RAP1B: variants seen among roughly 807,000 people sequenced by gnomAD.
The protein encoded by RAP1B is ras-related protein Rap-1b.
Under a neutral mutation model 27.5 loss-of-function variants are expected in RAP1B, and 1 was observed. The observed-to-expected ratio is 0.04, with a 90% CI of 0.01 to 0.17. The LOEUF (loss-of-function observed/expected upper bound fraction) is 0.17, where lower values mean the gene tolerates loss of function less well. Among genes scored for constraint, RAP1B ranks in the 10% least tolerant of loss-of-function variants. RAP1B has a pLI of 1.00. For synonymous variants in RAP1B, 75 were observed against 73.1 expected (o/e 1.03, Z -0.13); for missense variants, 84 against 214.8 (o/e 0.39, Z 3.81).
intron 1 of RAP1B, among the ~76,000 whole-genome samples, chr12:68,647,456 A>G (rs1873511418): frequency 7.3e-6 from 1 of 136,268 alleles, no homozygotes; most frequent in Non-Finnish European, 1.5e-5. Flanking sequence ...CCTGATTTCA[A>G]GTGATCCACC....
intron 1 of RAP1B, chr12:68,642,921 T>G (rs1873124491): frequency 1.1e-6 from 1 of 928,318 alleles, no homozygotes; most frequent in Non-Finnish European, 1.8e-6. Context: ...GCAATGGCCT[T>G]TTGGTTCTGG....
Position 68,659,424 on chromosome 12 carries a change from T to C in RAP1B, c.*175T>C, listed in dbSNP as rs1227803030. ...ATCAGTTTGCACATTCTAATCACTTTCCAGTATCACAAGAGAGATTTTTAC... is the reference window on the plus strand; with the variant it reads ...ATCAGTTTGCACATTCTAATCACTTCCCAGTATCACAAGAGAGATTTTTAC... On this transcript the variant is annotated 3_prime_UTR_variant, in exon 8 of 8. Coordinates refer to ENST00000250559, the MANE Select transcript of RAP1B (RefSeq NM_001010942.3). 3.4e-5 allele frequency: 13 copies of C among 387,162 alleles called. No individual in the cohort carries two copies. 24.0% of individuals were successfully genotyped at this position (387,162 alleles called of 1,614,324 possible).
At chr12:68,644,069 T>G (rs181430774) in intron 1 of RAP1B, among the ~76,000 whole-genome samples, 5 of 152,290 alleles carry the variant, frequency 3.3e-5, no homozygotes, top group African/African-American at 1.2e-4. Flanking sequence ...TGAGGTACAA[T>G]AGATTTCATT....
chr12:68,637,047 A>G (rs965447101), intron 1 of RAP1B, among the ~76,000 whole-genome samples: 1 of 152,098 alleles, frequency 6.6e-6, no homozygotes, highest in Non-Finnish European at 1.5e-5. Flanking sequence ...TTAAATGGCA[A>G]TTTACCTATA....
chr12:68,633,315 G>T (rs773898200), intron 1 of RAP1B, among the ~76,000 whole-genome samples: 2 of 151,940 alleles, frequency 1.3e-5, no homozygotes, highest in African/African-American at 2.4e-5. Context: ...ATTCCCTAAT[G>T]ATTTATATAT....
intron 1 of RAP1B, among the ~76,000 whole-genome samples, chr12:68,617,059 G>A (rs898006841): frequency 1.3e-5 from 2 of 152,128 alleles, no homozygotes; most frequent in African/African-American, 4.8e-5. Context: ...TGGGTAAAAT[G>A]AAATTATAAT....
At chr12:68,642,989 G>T in intron 1 of RAP1B, 1 of 802,152 alleles carries the variant, frequency 1.2e-6, no homozygotes. Context: ...TTTTCGCCCA[G>T]CCATGTTGGG....
chr12:68,630,932 GT>G (rs150971331), intron 1 of RAP1B, among the ~76,000 whole-genome samples: 13 of 146,486 alleles, frequency 8.9e-5, no homozygotes, highest in South Asian at 2.2e-4. Context: ...GCCTGAATTT[GT>G]TTTTTTTTTC....
chr12:68,634,831 G>A (rs1277915690), intron 1 of RAP1B, among the ~76,000 whole-genome samples: 1 of 152,130 alleles, frequency 6.6e-6, no homozygotes, highest in Non-Finnish European at 1.5e-5. Context: ...CAAATTATAT[G>A]TTGTTGAATA....
chr12:68,621,319 C>T (rs1367603057), intron 1 of RAP1B: 3 of 152,138 alleles, frequency 2.0e-5, no homozygotes, highest in South Asian at 4.1e-4. Context: ...TATTTTATGT[C>T]CAGGACATCC....
chr12:68,649,522 G>A (rs898777830), intron 2 of RAP1B: 16 of 152,310 alleles, frequency 1.1e-4, no homozygotes, highest in African/African-American at 3.6e-4. Flanking sequence ...TGAGGGTTGG[G>A]AAAGAGGAAA....
rs1874546634 is a variant in RAP1B at position 68,660,673 on chromosome 12, G to C, written c.*1424G>C. Reference sequence around the variant, plus strand: ...GGCAAGCCAGACTCATTAATTACAGGAATAAGGAAGTAGCGAGTTTTCTGG... The same window carrying C: ...GGCAAGCCAGACTCATTAATTACAGCAATAAGGAAGTAGCGAGTTTTCTGG... On this transcript the variant is annotated 3_prime_UTR_variant, in exon 8 of 8. Coordinates refer to ENST00000250559, the MANE Select transcript of RAP1B (RefSeq NM_001010942.3). 6.6e-6 allele frequency: 1 copy of C among 152,330 alleles called. No individual in the cohort carries two copies. Among genetic ancestry groups the C allele is most frequent in the Non-Finnish European group, 1.5e-5 (1 of 68,032 alleles). The allele number at this position is 152,330 out of a possible 1,614,324, so 9.4% of individuals were successfully genotyped here.
Position 68,654,094 on chromosome 12 carries a change from C to T in RAP1B, c.184-18C>T. 1 of 1,562,600 alleles carries T rather than the reference C, an allele frequency of 6.4e-7. No individual in the cohort carries two copies. The highest frequency in any genetic ancestry group is 8.8e-7 in the Non-Finnish European group (1 of 1,140,210). ...CAAAACATTATTGTTTTTTAACGTT[C>T]CTTTCTTTCTATTGTAGGAGCAATT... On this transcript the variant is annotated intron_variant, in intron 4 of 7. Coordinates refer to ENST00000250559, the MANE Select transcript of RAP1B (RefSeq NM_001010942.3).
At chr12:68,632,218 A>G (rs1592438458) in intron 1 of RAP1B, among the ~76,000 whole-genome samples, 1 of 146,968 alleles carries the variant, frequency 6.8e-6, no homozygotes, top group African/African-American at 2.6e-5. Flanking sequence ...GCTCACTGCA[A>G]CCTCCGCCTC....
At chr12:68,611,367 C>T (rs1484879786) in intron 1 of RAP1B, among the ~76,000 whole-genome samples, 2 of 138,792 alleles carry the variant, frequency 1.4e-5, no homozygotes, top group Non-Finnish European at 3.2e-5. Flanking sequence ...CGCCCGCTCT[C>T]TTCAGCCCGC....
At chr12:68,620,207 T>A (rs11177312) in intron 1 of RAP1B, among the ~76,000 whole-genome samples, 15,647 of 151,382 alleles carry the variant, frequency 0.1, 872 homozygotes, top group East Asian at 0.23. Context: ...TTTTTTATTT[T>A]TTTTTATTTT....
intron 3 of RAP1B, chr12:68,651,758 T>C (rs1873830752): frequency 2.2e-6 from 1 of 462,892 alleles, no homozygotes; most frequent in Non-Finnish European, 3.9e-6. Context: ...TTCGTGTAGG[T>C]TTCCCTGTGT....
At chr12:68,625,626 A>G (rs951104325) in intron 1 of RAP1B, among the ~76,000 whole-genome samples, 5 of 152,178 alleles carry the variant, frequency 3.3e-5, no homozygotes, top group African/African-American at 1.2e-4. Flanking sequence ...ATTCTTTTTT[A>G]AAGTTTCAGA....
In RAP1B at chr12:68,648,761, G is replaced by A; in HGVS notation, c.37G>A (p.Gly13Ser). 6.2e-7 allele frequency: 1 copy of A among 1,612,350 alleles called. No individual in the cohort carries two copies. Among genetic ancestry groups the A allele is most frequent in the Non-Finnish European group, 8.5e-7 (1 of 1,179,588 alleles). The change falls in exon 2 of 8, where the codon GGC (glycine) becomes AGC (serine). Residue 13 changes from glycine to serine, a missense_variant. Physicochemically the swap from Gly to Ser is moderately conservative, Grantham distance 56 (BLOSUM62 0). Coordinates refer to ENST00000250559, the MANE Select transcript of RAP1B (RefSeq NM_001010942.3). ...EYKLVVLGSGGVGKSALTVQF... is the reference protein window; with the variant it reads ...EYKLVVLGSGSVGKSALTVQF... ...TAAGCTAGTCGTTCTTGGCTCAGGA[G>A]GCGTTGGAAAGTCTGCTTTGGTAAG...
Sources: allele counts gnomAD v4.1 joint callset (sites outside exome capture counted in the v4.1 genomes callset), GRCh38; gene constraint gnomAD v4.1.1; transcripts MANE v1.5; gene names NCBI Gene and HGNC (gene_info 2026-07-23, HGNC 2026-07-21).